Variants in SNX29 observed in about 807,000 individuals in gnomAD.
The protein encoded by SNX29 is sorting nexin 29.
A neutral mutation model predicts 102.1 loss-of-function variants in SNX29; 78 were observed. That is an observed-to-expected ratio of 0.76 (90% CI 0.64 to 0.92). The LOEUF is 0.92. Among genes scored for constraint, SNX29 ranks in the 40% least tolerant of loss-of-function variants. The pLI is 0.00. For synonymous variants in SNX29, 580 were observed against 414.5 expected (o/e 1.40, Z -4.85); for missense variants, 1,280 against 1,061.7 (o/e 1.21, Z -2.86).
intron 14 of SNX29, among the ~76,000 whole-genome samples, chr16:12,229,297 A>C (rs755507777): frequency 2.0e-5 from 3 of 152,238 alleles, no homozygotes; most frequent in Non-Finnish European, 4.4e-5. Flanking sequence ...GTGTTCAGTA[A>C]ATATGATTTG....
rs1267032717 is a variant in SNX29 at position 12,333,209 on chromosome 16, G to A, written c.1783-22954G>A. On this transcript the variant is annotated intron_variant, in intron 15 of 20. Transcript: ENST00000566228. ...CAACTTCCGCCTACCAAGTTCAAGT[G>A]ATTGTCCTGCCTCAGCCTCCCAAGT... Among the ~76,000 whole-genome samples, 2 of 149,624 alleles carry A rather than the reference G, an allele frequency of 1.3e-5. 1 individual carries two copies. The highest frequency in any genetic ancestry group is 4.2e-4 in the South Asian group (2 of 4,742).
intron 20 of SNX29, among the ~76,000 whole-genome samples, chr16:12,530,759 T>C (rs1438669235): frequency 6.6e-6 from 1 of 152,174 alleles, no homozygotes; most frequent in Non-Finnish European, 1.5e-5. Flanking sequence ...TTTCTTCATG[T>C]TGGCCAGGAG....
chr16:12,522,996 G>A lies in SNX29; in HGVS notation c.2179-1706G>A, dbSNP rs145468470. Among the ~76,000 whole-genome samples the A allele has an allele frequency of 5.4e-3, 822 of 152,248 alleles. 9 individuals carry two copies. The highest frequency in any genetic ancestry group is 0.019 in the African/African-American group (769 of 41,542). Reference sequence around the variant, plus strand: ...CGGCTACTTTTTTCAATTTTTTATAGAGATTGGGCCTTGTTATGTTACCCA... The same window carrying A: ...CGGCTACTTTTTTCAATTTTTTATAAAGATTGGGCCTTGTTATGTTACCCA... On this transcript the variant is annotated intron_variant, in intron 19 of 20. Transcript: ENST00000566228.
chr16:12,459,639 C>G (rs77247173), intron 18 of SNX29, among the ~76,000 whole-genome samples: 2 of 152,220 alleles, frequency 1.3e-5, no homozygotes, highest in East Asian at 3.9e-4. Flanking sequence ...ATATCTAGAC[C>G]CTGAGCTCGG....
chr16:12,239,289 G>A (rs887986930), intron 14 of SNX29, among the ~76,000 whole-genome samples: 1 of 152,152 alleles, frequency 6.6e-6, no homozygotes, highest in Non-Finnish European at 1.5e-5. Flanking sequence ...ATGTATTAGA[G>A]GTGGTGTGTA....
intron 15 of SNX29, among the ~76,000 whole-genome samples, chr16:12,312,369 T>C (rs992011117): frequency 6.6e-6 from 1 of 152,156 alleles, no homozygotes; most frequent in Non-Finnish European, 1.5e-5. Context: ...AGAGGTTGAG[T>C]TGAAAAACTG....
intron 11 of SNX29, among the ~76,000 whole-genome samples, chr16:12,117,831 C>G (rs189302436): frequency 1.6e-4 from 24 of 152,212 alleles, no homozygotes; most frequent in Non-Finnish European, 1.5e-5. Flanking sequence ...CACGGTGGCT[C>G]ACAGCTGTAA....
chr16:12,272,788 A>G (rs2150993530), intron 14 of SNX29, among the ~76,000 whole-genome samples: 1 of 152,176 alleles, frequency 6.6e-6, no homozygotes, highest in South Asian at 2.1e-4. Flanking sequence ...TTTTCCACTC[A>G]TGCTTTGGGT....
intron 11 of SNX29, among the ~76,000 whole-genome samples, chr16:12,079,628 G>A (rs2051763720): frequency 6.6e-6 from 1 of 152,186 alleles, no homozygotes; most frequent in African/African-American, 2.4e-5. Context: ...TAAACCAACA[G>A]TTGGTTTATT....
intron 18 of SNX29, among the ~76,000 whole-genome samples, chr16:12,472,252 G>T (rs1380972019): frequency 6.6e-6 from 1 of 152,168 alleles, no homozygotes; most frequent in Admixed American, 6.5e-5. Flanking sequence ...TGGGGGTGGT[G>T]GCTCACGCCT....
chr16:12,529,147 G>A (rs1210460984), intron 20 of SNX29, among the ~76,000 whole-genome samples: 3 of 152,162 alleles, frequency 2.0e-5, no homozygotes, highest in Admixed American at 6.5e-5. Flanking sequence ...CCTTGCTAAT[G>A]CCAGCTCTGA....
At chr16:12,247,032 G>C (rs924461579) in intron 14 of SNX29, among the ~76,000 whole-genome samples, 2 of 152,108 alleles carry the variant, frequency 1.3e-5, no homozygotes, top group East Asian at 1.9e-4. Context: ...GGGCCTTGTA[G>C]GTCCCTGGAA....
At chr16:11,986,374 T>TA (rs33924503) in intron 1 of SNX29, among the ~76,000 whole-genome samples, 93,187 of 130,870 alleles carry the variant, frequency 0.71, 33,171 homozygotes, top group Non-Finnish European at 0.78. Flanking sequence ...TCCTACAACT[T>TA]AAAAAAAAAA....
chr16:12,528,634 G>A, intron 20 of SNX29, among the ~76,000 whole-genome samples: 1 of 152,172 alleles, frequency 6.6e-6, no homozygotes, highest in Non-Finnish European at 1.5e-5. Flanking sequence ...CCTCCATGCT[G>A]TTTGCCTGGT....
intron 13 of SNX29, among the ~76,000 whole-genome samples, chr16:12,197,362 G>C (rs1282383506): frequency 6.6e-6 from 1 of 151,984 alleles, no homozygotes; most frequent in Non-Finnish European, 1.5e-5. Context: ...TTAAGGTCAG[G>C]AGTTCAAGAC....
At chr16:12,141,061 C>G (rs1005975178) in intron 13 of SNX29, among the ~76,000 whole-genome samples, 21 of 152,194 alleles carry the variant, frequency 1.4e-4, no homozygotes, top group African/African-American at 5.1e-4. Context: ...AGTGCTTGCA[C>G]CTCCTTCTCA....
intron 10 of SNX29, among the ~76,000 whole-genome samples, chr16:12,076,421 C>T (rs559445518): frequency 6.7e-4 from 102 of 152,206 alleles, no homozygotes; most frequent in Admixed American, 1.1e-3. Context: ...CTGCCTCAGC[C>T]TCCCAAGTAC....
At chr16:12,566,321 C>G (rs180757806) in intron 20 of SNX29, among the ~76,000 whole-genome samples, 2 of 152,312 alleles carry the variant, frequency 1.3e-5, no homozygotes, top group East Asian at 1.9e-4. Flanking sequence ...TGTCCTCTCC[C>G]TACCCCTTCA....
At chr16:12,464,764 T>TTA (rs1163775997) in intron 18 of SNX29, among the ~76,000 whole-genome samples, 9 of 152,236 alleles carry the variant, frequency 5.9e-5, no homozygotes, top group African/African-American at 2.2e-4. Context: ...CTTATTTTCT[T>TTA]TAGATATATA....
Sources: gnomAD v4.1 joint callset for allele counts (sites outside exome capture counted in the v4.1 genomes callset) on GRCh38, gnomAD v4.1.1 for gene constraint, MANE v1.5 for transcripts, NCBI Gene and HGNC (gene_info 2026-07-23, HGNC 2026-07-21) for gene names.